The following THRB variants were observed in gnomAD, a reference collection of about 807,000 sequenced individuals.
THRB encodes thyroid hormone receptor beta, also known as nuclear receptor subfamily 1 group A member 2.
Under a neutral mutation model 47.8 loss-of-function variants are expected in THRB, and 12 were observed. The ratio of observed to expected loss-of-function variants is 0.25; its 90% CI spans 0.16 to 0.41. THRB has a LOEUF of 0.41. THRB is among the 10% of genes least tolerant of loss of function. The pLI is 1.00. For missense variants in THRB, 348 were observed against 589.2 expected (o/e 0.59, Z 4.24); for synonymous variants, 218 against 212.2 (o/e 1.03, Z -0.24).
intron 5 of THRB, among the ~76,000 whole-genome samples, 153 bp from the exon 6 acceptor site, chr3:24,152,643 A>G (rs1348226719): frequency 6.6e-6 from 1 of 152,202 alleles, no homozygotes; most frequent in Non-Finnish European, 1.5e-5. Context: ...TAAGAATTTT[A>G]TACTCATAGA....
At chr3:24,178,769 C>T (rs911562033) in intron 5 of THRB, among the ~76,000 whole-genome samples, 4 of 151,942 alleles carry the variant, frequency 2.6e-5, no homozygotes, top group Admixed American at 2.0e-4. Flanking sequence ...AGGTCTGCAG[C>T]GGGGAGGGTA....
chr3:24,141,513 C>G (rs1252700864), intron 8 of THRB, among the ~76,000 whole-genome samples: 1 of 152,198 alleles, frequency 6.6e-6, no homozygotes, highest in African/African-American at 2.4e-5. Flanking sequence ...CCACTACCTG[C>G]ATTTATTTTG....
intron 1 of THRB, among the ~76,000 whole-genome samples, chr3:24,479,163 G>A (rs1372226297): frequency 1.4e-4 from 21 of 152,250 alleles, no homozygotes; most frequent in African/African-American, 4.8e-4. Context: ...TTTGCCTGGC[G>A]TGGTGGTGGG....
At position 24,340,344 on chromosome 3, in the gene THRB, G is replaced by GCCTCTTCCTCCTCCTCTTGCTCCTCCT. The variant is rs1236119797; in HGVS notation, c.-260-3000_-260-2974dup. On this transcript the variant is annotated intron_variant, in intron 1 of 10. Transcript: ENST00000646209. ...CTCCTTCTCCTTCTCCTCCTTCTCCGCCTCTTCCTCCTCCTCTTGCTCCTC... is the reference window on the plus strand; with the variant it reads ...CTCCTTCTCCTTCTCCTCCTTCTCCGCCTCTTCCTCCTCCTCTTGCTCCTCCTCCTCTTCCTCCTCCTCTTGCTCCTC... Among the ~76,000 whole-genome samples, 7 of 151,304 alleles carry GCCTCTTCCTCCTCCTCTTGCTCCTCCT rather than the reference G, an allele frequency of 4.6e-5. No homozygotes were observed. In the East Asian group the frequency reaches 9.7e-4, roughly 21 times the overall value.
intron 1 of THRB, among the ~76,000 whole-genome samples, chr3:24,473,090 A>T (rs549971267): frequency 2.3e-3 from 357 of 152,308 alleles, no homozygotes; most frequent in African/African-American, 8.1e-3. Flanking sequence ...TATAATTAAG[A>T]AACAGAGTAG....
intron 1 of THRB, among the ~76,000 whole-genome samples, chr3:24,369,430 G>T (rs1230802455): frequency 3.9e-5 from 6 of 152,092 alleles, no homozygotes; most frequent in Non-Finnish European, 7.4e-5. Context: ...TGACTGTAAA[G>T]CATGTATTAT....
intron 1 of THRB, among the ~76,000 whole-genome samples, chr3:24,423,610 C>T (rs1277663711): frequency 6.6e-6 from 1 of 151,798 alleles, no homozygotes; most frequent in South Asian, 2.1e-4. Context: ...ATTTATGTGT[C>T]AGACTAATGC....
intron 1 of THRB, among the ~76,000 whole-genome samples, chr3:24,393,688 T>C (rs2066746141): frequency 6.6e-6 from 1 of 152,142 alleles, no homozygotes; most frequent in African/African-American, 2.4e-5. Flanking sequence ...TGCTGACGTA[T>C]CAGCAAAGTC....
chr3:24,274,883 G>T (rs1379296810), intron 3 of THRB, among the ~76,000 whole-genome samples: 1 of 151,926 alleles, frequency 6.6e-6, no homozygotes, highest in African/African-American at 2.4e-5. Flanking sequence ...GAGAGAGACA[G>T]TTTTTTTTAT....
intron 5 of THRB, among the ~76,000 whole-genome samples, chr3:24,172,574 G>A (rs1008660767): frequency 1.3e-5 from 2 of 151,940 alleles, no homozygotes; most frequent in South Asian, 2.1e-4. Flanking sequence ...GTTCACAATC[G>A]ATCACCAAGC....
chr3:24,228,840 T>C, intron 4 of THRB, 98 bp downstream of exon 4: 1 of 1,119,314 alleles, frequency 8.9e-7, no homozygotes, highest in Non-Finnish European at 1.3e-6. Context: ...AAATAACGGT[T>C]GCTAAAACTC....
chr3:24,347,498 C>T (rs1179569414), intron 1 of THRB, among the ~76,000 whole-genome samples: 1 of 150,070 alleles, frequency 6.7e-6, no homozygotes, highest in Non-Finnish European at 1.5e-5. Flanking sequence ...AAATCATAAA[C>T]CTATAGCCAG....
At chr3:24,360,587 C>A (rs569639901) in intron 1 of THRB, among the ~76,000 whole-genome samples, 75 of 152,248 alleles carry the variant, frequency 4.9e-4, no homozygotes, top group African/African-American at 1.7e-3. Context: ...ATGCTAATGC[C>A]TGAGCACCTT....
intron 1 of THRB, among the ~76,000 whole-genome samples, chr3:24,475,574 C>T (rs1005689306): frequency 6.6e-6 from 1 of 151,964 alleles, no homozygotes; most frequent in Non-Finnish European, 1.5e-5. Flanking sequence ...ATCTGAAAGG[C>T]CATGCACTAG....
At chr3:24,360,679 T>C (rs918216845) in intron 1 of THRB, among the ~76,000 whole-genome samples, 1 of 152,168 alleles carries the variant, frequency 6.6e-6, no homozygotes, top group Non-Finnish European at 1.5e-5. Context: ...GGTAGTTCTA[T>C]CATGCAGCAA....
chr3:24,401,982 A>T (rs1367439735), intron 1 of THRB, among the ~76,000 whole-genome samples: 1 of 152,064 alleles, frequency 6.6e-6, no homozygotes, highest in Non-Finnish European at 1.5e-5. Context: ...TACCACCTGC[A>T]GGCTTTACCT....
At chr3:24,208,983 A>C (rs1398959704) in intron 4 of THRB, among the ~76,000 whole-genome samples, 2 of 152,252 alleles carry the variant, frequency 1.3e-5, no homozygotes, top group African/African-American at 4.8e-5. Context: ...AAAGAACTCA[A>C]ACTTACAAGA....
At chr3:24,295,978 G>A (rs181197400) in intron 3 of THRB, among the ~76,000 whole-genome samples, 1 of 152,312 alleles carries the variant, frequency 6.6e-6, no homozygotes, top group East Asian at 1.9e-4. Context: ...CCTTTGGCTA[G>A]TGGCTGCAGT....
At chr3:24,214,507 CAAG>C (rs148998245) in intron 4 of THRB, among the ~76,000 whole-genome samples, 3,447 of 152,290 alleles carry the variant, frequency 0.023, 146 homozygotes, top group African/African-American at 0.078. Context: ...AGCTGAGAGA[CAAG>C]AAGGAGTCAA....
Sources: gnomAD v4.1 joint callset for allele counts (sites outside exome capture counted in the v4.1 genomes callset) on GRCh38, gnomAD v4.1.1 for gene constraint, MANE v1.5 for transcripts, NCBI Gene and HGNC (gene_info 2026-07-23, HGNC 2026-07-21) for gene names.